Variants in MOCOS observed in about 807,000 individuals in gnomAD.
The protein encoded by MOCOS is molybdenum cofactor sulfurase, also known as human molybdenum cofactor sulfurase.
Under a neutral mutation model 83.6 loss-of-function variants are expected in MOCOS, and 86 were observed. That is an observed-to-expected ratio of 1.03 (90% CI 0.86 to 1.23). The LOEUF is 1.23. Among genes scored for constraint, MOCOS ranks in the 50% most tolerant of loss-of-function variants. The probability of loss-of-function intolerance (pLI) is 0.00; values close to 1 mark genes in which losing one functional copy is unlikely to be tolerated. For missense variants in MOCOS, 1,120 were observed against 1,126.9 expected, an observed-to-expected ratio of 0.99 and a Z score of 0.09; for synonymous variants, 445 against 434.7, an observed-to-expected ratio of 1.02 and a Z score of -0.29.
chr18:36,252,718 TGTTTC>T (rs2091626602), intron 11 of MOCOS, among the ~76,000 whole-genome samples: 1 of 152,172 alleles, frequency 6.6e-6, no homozygotes, highest in Non-Finnish European at 1.5e-5. Context: ...CAATATTTTA[TGTTTC>T]ATGTTTCTAA....
chr18:36,200,811 A>G (rs1192190192), intron 4 of MOCOS, among the ~76,000 whole-genome samples: 3 of 152,212 alleles, frequency 2.0e-5, no homozygotes, highest in Admixed American at 2.0e-4. Context: ...AGTTAGCAGG[A>G]GGAATCAGTT....
chr18:36,220,342 CAAA>C (rs200612707), intron 9 of MOCOS, 125 bp downstream of exon 9: 600 of 842,098 alleles, frequency 7.1e-4, no homozygotes, highest in Non-Finnish European at 8.0e-4. Flanking sequence ...CTCATCTCTA[CAAA>C]AAAAAAAAAA....
At chr18:36,249,082 C>A in intron 10 of MOCOS, 82 bp downstream of exon 10, 4 of 1,157,198 alleles carry the variant, frequency 3.5e-6, no homozygotes, top group South Asian at 1.3e-5. Flanking sequence ...CCTATGCAAT[C>A]TATCCTTTGC....
rs181717497 is a variant in MOCOS at position 36,227,435 on chromosome 18, A to C, written c.1960+7218A>C. Among the ~76,000 whole-genome samples the C allele has an allele frequency of 1.0e-3, 150 of 147,264 alleles. 2 individuals are homozygous for C. In the East Asian group the frequency reaches 0.029, roughly 29 times the overall value. The stretch of plus-strand genomic sequence containing the variant: ...TTTTGAGATGGGGTCTCGCTCTGTC[A>C]CCCAGGCTGGAGTGCAGTGGCATGA... On this transcript the variant is annotated intron_variant, in intron 9 of 14. Transcript: ENST00000261326.
At chr18:36,200,631 T>G (rs1302217693) in intron 4 of MOCOS, among the ~76,000 whole-genome samples, 3 of 152,144 alleles carry the variant, frequency 2.0e-5, no homozygotes, top group African/African-American at 7.2e-5. Context: ...GAGGGTGAGC[T>G]ACCAGGCCTC....
rs553728206 is a variant in MOCOS at position 36,241,374 on chromosome 18, T to C, written c.1961-7548T>C. On this transcript the variant is annotated intron_variant, in intron 9 of 14. Coordinates refer to ENST00000261326, the MANE Select transcript of MOCOS (RefSeq NM_017947.4). ...CAAAACAAATGGTCTGCAGTCTCCTTGTAAGTCTGAAATCCAGCAGGGCAG... is the reference window on the plus strand; with the variant it reads ...CAAAACAAATGGTCTGCAGTCTCCTCGTAAGTCTGAAATCCAGCAGGGCAG... Among the ~76,000 whole-genome samples the C allele has an allele frequency of 1.2e-4, 18 of 152,298 alleles. No individual in the cohort carries two copies. In the South Asian group the frequency reaches 2.3e-3, roughly 19 times the overall value.
chr18:36,232,529 T>C (rs1456491149), intron 9 of MOCOS, among the ~76,000 whole-genome samples: 4 of 152,176 alleles, frequency 2.6e-5, no homozygotes, highest in Non-Finnish European at 5.9e-5. Flanking sequence ...TTTTGAAATA[T>C]TTAATAAATT....
chr18:36,219,415 A>G (rs971227231), intron 8 of MOCOS, among the ~76,000 whole-genome samples: 2 of 152,158 alleles, frequency 1.3e-5, no homozygotes, highest in Admixed American at 6.6e-5. Flanking sequence ...GTGGTGGCTC[A>G]TGCCTGTAAT....
intron 9 of MOCOS, among the ~76,000 whole-genome samples, chr18:36,243,422 T>A (rs910447575): frequency 6.6e-6 from 1 of 152,346 alleles, no homozygotes; most frequent in South Asian, 2.1e-4. Flanking sequence ...ATTTATTGAC[T>A]TGTGTAAGTT....
chr18:36,239,344 T>G (rs2091572217), intron 9 of MOCOS, among the ~76,000 whole-genome samples: 1 of 149,064 alleles, frequency 6.7e-6, no homozygotes, highest in African/African-American at 2.5e-5. Flanking sequence ...TGACAAAATC[T>G]CTCAGCATTT....
At chr18:36,235,893 A>AT (rs1393049431) in intron 9 of MOCOS, among the ~76,000 whole-genome samples, 1 of 151,306 alleles carries the variant, frequency 6.6e-6, no homozygotes, top group African/African-American at 2.4e-5. Context: ...GATGGTGAGC[A>AT]TTTTTTCATG....
chr18:36,213,299 A>G (rs578095159), intron 6 of MOCOS, 67 bp from the exon 7 acceptor site: 2 of 1,231,114 alleles, frequency 1.6e-6, no homozygotes, highest in South Asian at 1.2e-5. Flanking sequence ...CCAAATCCTG[A>G]TCTGAATCTC....
chr18:36,224,554 C>A (rs117478382), intron 9 of MOCOS, among the ~76,000 whole-genome samples: 2,004 of 152,188 alleles, frequency 0.013, 19 homozygotes, highest in Non-Finnish European at 0.018. Context: ...ATGTAATTTT[C>A]TCCTCTATTC....
intron 2 of MOCOS, among the ~76,000 whole-genome samples, chr18:36,196,303 T>C (rs1056944695): frequency 3.9e-5 from 6 of 152,228 alleles, no homozygotes; most frequent in African/African-American, 1.4e-4. Context: ...AGGTACTCGC[T>C]ATGAGCTTTC....
chr18:36,187,511 C>T lies in MOCOS; in HGVS notation c.-29C>T, dbSNP rs568059898. ...GCCGGCTTCGCGCACTTCCCGGGCC[C>T]GGCCGGCCTGGATGGACTAGCCGGG... On this transcript the variant is annotated 5_prime_UTR_variant, in exon 1 of 15. Transcript: ENST00000261326. 10 of 1,228,860 alleles carry T rather than the reference C, an allele frequency of 8.1e-6. No homozygotes were observed. In the Admixed American group the frequency reaches 3.0e-4, roughly 37 times the overall value. 76.1% of individuals were successfully genotyped at this position (1,228,860 alleles called of 1,614,324 possible). A position where few individuals can be genotyped will look rare whatever the true frequency, so the allele number is the denominator to read the frequency against.
Position 36,203,179 on chromosome 18 carries a change from G to A in MOCOS, c.1008G>A (p.Glu336=), listed in dbSNP as rs1466970188. 1 of 1,614,028 alleles carries A rather than the reference G, an allele frequency of 6.2e-7. No homozygotes were observed. The highest frequency in any genetic ancestry group is 8.5e-7 in the Non-Finnish European group (1 of 1,179,908). ...TAAAACATGGATTTGACACCCTAGA[G>A]CGCCTCACAGGTCAGTGGACATTTC... ...IALKHGFDTL[E]RLTGGMENIK... Residue 336 remains glutamate, a synonymous_variant, in exon 5 of 15, where the codon GAG becomes GAA. Transcript: ENST00000261326.
chr18:36,208,899 T>A (rs1335419239), intron 6 of MOCOS, among the ~76,000 whole-genome samples: 1 of 152,234 alleles, frequency 6.6e-6, no homozygotes, highest in East Asian at 1.9e-4. Context: ...TTGCAGCTTT[T>A]GCCCATTCAG....
rs150119583 is a variant in MOCOS, at chr18:36,215,796, C to G, written c.1616C>G (p.Ser539Cys). 1.2e-6 allele frequency: 2 copies of G among 1,614,104 alleles called. No individual in the cohort carries two copies. The highest frequency in any genetic ancestry group is 3.3e-5 in the Admixed American group (2 of 60,008). Reference protein sequence around the residue: ...LSPQEDALTGSRVWNNSSTVN... With the variant: ...LSPQEDALTGCRVWNNSSTVN... The stretch of plus-strand genomic sequence containing the variant: ...CCTCAGGAAGATGCCCTCACAGGCT[C>G]CAGGGTTTGGAACAACTCGTCTACT... Residue 539 changes from serine to cysteine, a missense_variant, in exon 8 of 15, where the codon TCC (serine) becomes TGC (cysteine). Physicochemically the swap from Ser to Cys is moderately radical, Grantham distance 112 (BLOSUM62 -1). Coordinates refer to ENST00000261326, the MANE Select transcript of MOCOS (RefSeq NM_017947.4).
rs937340659 is a variant in MOCOS at position 36,238,731 on chromosome 18, G to A, written c.1961-10191G>A. Among the ~76,000 whole-genome samples the A allele has an allele frequency of 2.9e-5, 3 of 105,214 alleles. 1 individual carries two copies. The Admixed American group carries it at 3.4e-4, about 12-fold the overall frequency. 69.0% of individuals were successfully genotyped at this position (105,214 alleles called of 152,430 possible). ...GTTGATCTGTCTAATGTTTACAGTG[G>A]GGTGTTAAAGTCTCCCATTATTAAT... On this transcript the variant is annotated intron_variant, in intron 9 of 14. Transcript: ENST00000261326.
Sources: gnomAD v4.1 joint callset for allele counts (sites outside exome capture counted in the v4.1 genomes callset) on GRCh38, gnomAD v4.1.1 for gene constraint, MANE v1.5 for transcripts, NCBI Gene and HGNC (gene_info 2026-07-23, HGNC 2026-07-21) for gene names.